Variants in KALRN observed in about 807,000 individuals in gnomAD.
KALRN encodes kalirin.
In KALRN, 70 loss-of-function variants were observed where a neutral mutation model predicts 353.7. The observed-to-expected ratio is 0.20, with a 90% CI of 0.16 to 0.24. The LOEUF is 0.24. Among genes scored for constraint, KALRN ranks in the 10% least tolerant of loss-of-function variants. The pLI, the probability that KALRN is intolerant of heterozygous loss-of-function variation, is 1.00. For synonymous variants in KALRN, 1,391 were observed against 1,434.8 expected (o/e 0.97, Z 0.69); for missense variants, 2,791 against 3,756.7 (o/e 0.74, Z 6.72).
chr3:124,093,877 A>G (rs1334437811), intron 1 of KALRN, among the ~76,000 whole-genome samples: 1 of 151,976 alleles, frequency 6.6e-6, no homozygotes, highest in Non-Finnish European at 1.5e-5. Context: ...TGAGGTGGAG[A>G]GTGGGGAGAG....
chr3:124,585,314 C>T (rs2075055616), intron 34 of KALRN, among the ~76,000 whole-genome samples: 1 of 152,184 alleles, frequency 6.6e-6, no homozygotes, highest in Non-Finnish European at 1.5e-5. Flanking sequence ...GCGGGATTAA[C>T]GTGTGACTCC....
At chr3:124,323,456 C>T (rs1027002499) in intron 6 of KALRN, among the ~76,000 whole-genome samples, 1 of 152,134 alleles carries the variant, frequency 6.6e-6, no homozygotes, top group South Asian at 2.1e-4. Flanking sequence ...CTCCTACAGC[C>T]CCCAACACAG....
intron 33 of KALRN, among the ~76,000 whole-genome samples, chr3:124,528,611 C>A (rs769682898): frequency 8.5e-5 from 13 of 152,096 alleles, no homozygotes; most frequent in Non-Finnish European, 1.9e-4. Context: ...GCACACACAC[C>A]CACCCTCCCA....
chr3:124,041,789 A>C (rs2039995208), intron 1 of KALRN, among the ~76,000 whole-genome samples: 1 of 152,200 alleles, frequency 6.6e-6, no homozygotes, highest in Non-Finnish European at 1.5e-5. Context: ...TAACTAGGAA[A>C]TGACTGACAG....
intron 1 of KALRN, among the ~76,000 whole-genome samples, chr3:124,208,668 A>G (rs2076630510): frequency 6.6e-6 from 1 of 152,174 alleles, no homozygotes. Context: ...ATTAATTCAT[A>G]TAGAACCAAG....
intron 9 of KALRN, among the ~76,000 whole-genome samples, chr3:124,338,718 C>T (rs1464701825): frequency 6.6e-6 from 1 of 151,992 alleles, no homozygotes; most frequent in Non-Finnish European, 1.5e-5. Context: ...GTTGATCTGT[C>T]TAATATTTAT....
intron 34 of KALRN, among the ~76,000 whole-genome samples, chr3:124,572,366 G>A (rs2110071759): frequency 6.6e-6 from 1 of 151,732 alleles, no homozygotes; most frequent in Middle Eastern, 3.4e-3. Flanking sequence ...AAAACAGGTT[G>A]AATGTCAGCA....
chr3:124,420,255 C>G (rs1576776966), intron 14 of KALRN, among the ~76,000 whole-genome samples: 1 of 152,198 alleles, frequency 6.6e-6, no homozygotes. Flanking sequence ...GGTGACTGTC[C>G]TCTTTGATAA....
chr3:124,538,357 C>T (rs2068722903), intron 33 of KALRN, among the ~76,000 whole-genome samples: 1 of 151,972 alleles, frequency 6.6e-6, no homozygotes, highest in Non-Finnish European at 1.5e-5. Context: ...GAGAGGAGCA[C>T]TATTTGTCTT....
intron 33 of KALRN, among the ~76,000 whole-genome samples, chr3:124,528,135 A>G (rs1334394772): frequency 6.6e-6 from 1 of 152,088 alleles, no homozygotes. Context: ...CCTCCAGTCT[A>G]GTTTGATAAA....
chr3:124,692,478 T>C lies in KALRN; in HGVS notation c.7378-1326T>C, dbSNP rs1306147812. ...GAAACCATGCATGTTCACAAAGATA[T>C]GCATACATACAGGGAAATAAGTGCA... On this transcript the variant is annotated intron_variant, in intron 51 of 59. Transcript: ENST00000682506. Among the ~76,000 whole-genome samples the C allele has an allele frequency of 3.9e-5, 6 of 152,236 alleles. No homozygotes were observed. The East Asian group carries it at 9.6e-4, about 24-fold the overall frequency.
chr3:124,224,705 G>A (rs1481327625), intron 1 of KALRN, among the ~76,000 whole-genome samples: 1 of 152,194 alleles, frequency 6.6e-6, no homozygotes, highest in Non-Finnish European at 1.5e-5. Flanking sequence ...GGGCCAGGAA[G>A]CCAGTGAAAT....
chr3:124,589,012 T>C (rs1276359427), intron 34 of KALRN, among the ~76,000 whole-genome samples: 2 of 152,188 alleles, frequency 1.3e-5, no homozygotes, highest in Non-Finnish European at 2.9e-5. Flanking sequence ...GATTGGTTTC[T>C]ATGATTCTTT....
At position 124,483,670 on chromosome 3, in the gene KALRN, C is replaced by T. The variant is rs187050994; in HGVS notation, c.4284+770C>T. The stretch of plus-strand genomic sequence containing the variant: ...CTACCATTGTCTGTGTTTGTCAAGA[C>T]GATGAGGATTTTGAGGGAAAATAGT... On this transcript the variant is annotated intron_variant, in intron 28 of 59. Coordinates refer to ENST00000682506, the MANE Select transcript of KALRN (RefSeq NM_001388419.1). 1.1e-3 allele frequency among the ~76,000 whole-genome samples: 164 copies of T among 152,224 alleles called. 1 individual carries two copies. The highest frequency in any genetic ancestry group is 3.7e-3 in the African/African-American group (152 of 41,532).
At chr3:124,304,127 A>AACACACACACACACAC (rs3055892) in intron 6 of KALRN, among the ~76,000 whole-genome samples, 1,726 of 147,464 alleles carry the variant, frequency 0.012, 25 homozygotes, top group Admixed American at 0.044. Flanking sequence ...TTTTGTTGTA[A>AACACACACACACACAC]ACACACACAC....
chr3:124,141,687 A>G (rs546930357), intron 1 of KALRN, among the ~76,000 whole-genome samples: 136 of 152,310 alleles, frequency 8.9e-4, no homozygotes, highest in Non-Finnish European at 1.4e-3. Context: ...GGTGTTGGTT[A>G]GTGACTGCCT....
intron 49 of KALRN, 32 bp from the exon 50 acceptor site, chr3:124,678,158 C>T (rs753270834): frequency 6.2e-7 from 1 of 1,609,946 alleles, no homozygotes; most frequent in Non-Finnish European, 8.5e-7. Context: ...CCTGACCTGC[C>T]ATTTTGATTG....
At chr3:124,485,022 G>A (rs573453508) in intron 28 of KALRN, among the ~76,000 whole-genome samples, 4 of 152,172 alleles carry the variant, frequency 2.6e-5, no homozygotes, top group South Asian at 2.1e-4. Flanking sequence ...CTTGAGCCTC[G>A]GAGGCAGAGG....
chr3:124,622,663 C>T (rs2079407811), intron 34 of KALRN, among the ~76,000 whole-genome samples: 1 of 152,188 alleles, frequency 6.6e-6, no homozygotes, highest in Non-Finnish European at 1.5e-5. Flanking sequence ...TCTTTGGGGA[C>T]ACTAAGCTCC....
Sources: gnomAD v4.1 joint callset for allele counts (sites outside exome capture counted in the v4.1 genomes callset) on GRCh38, gnomAD v4.1.1 for gene constraint, MANE v1.5 for transcripts, NCBI Gene and HGNC (gene_info 2026-07-23, HGNC 2026-07-21) for gene names.